UCKL1: variants seen among roughly 807,000 people sequenced by gnomAD.
The protein encoded by UCKL1 is uridine-cytidine kinase-like 1.
UCKL1 carries 65 observed loss-of-function variants against 59.2 expected under a neutral mutation model. The observed-to-expected ratio is 1.10, with a 90% CI of 0.90 to 1.35. The LOEUF (loss-of-function observed/expected upper bound fraction) is 1.35, where lower values mean the gene tolerates loss of function less well. Ranked by LOEUF, UCKL1 falls within the 40% of genes most tolerant of loss-of-function variation. The pLI, the probability that UCKL1 is intolerant of heterozygous loss-of-function variation, is 0.00. For synonymous variants in UCKL1, 410 were observed against 323.1 expected, an observed-to-expected ratio of 1.27 and a Z score of -2.88; for missense variants, 703 against 784.3, an observed-to-expected ratio of 0.90 and a Z score of 1.24.
Position 63,956,389 on chromosome 20 carries a change from T to A in UCKL1, c.-17A>T. On this transcript the variant is annotated 5_prime_UTR_variant, in exon 1 of 15. In the 5' UTR this introduces an upstream ATG that the reference lacks. Coordinates refer to ENST00000354216, the MANE Select transcript of UCKL1 (RefSeq NM_017859.4). The stretch of plus-strand genomic sequence containing the variant: ...CGCAGCCATGGCGCTCGGAGGCCTC[T>A]TTGCGGGCCTGGCCGGGCGGCGCGC... 1 of 1,443,992 alleles carries A rather than the reference T, an allele frequency of 6.9e-7. No individual in the cohort carries two copies. Among genetic ancestry groups the A allele is most frequent in the Non-Finnish European group, 9.1e-7 (1 of 1,100,812 alleles). 89.4% of individuals were successfully genotyped at this position (1,443,992 alleles called of 1,614,324 possible).
In UCKL1 at chr20:63,940,591, C is replaced by T. The variant is rs1325504810; in HGVS notation, c.1302+3G>A. ...GCTCATCACCCCGGCTGCCCCCAGG[C>T]ACCTCGGGCTCCCCGGTAAGCTGGT... is the stretch of plus-strand genomic sequence containing the variant. On this transcript the variant is annotated splice_donor_region_variant and intron_variant, in intron 12 of 14. Coordinates refer to ENST00000354216, the MANE Select transcript of UCKL1 (RefSeq NM_017859.4). 3.8e-5 allele frequency: 61 copies of T among 1,607,478 alleles called. No homozygotes were observed. The highest frequency in any genetic ancestry group is 5.2e-5 in the Non-Finnish European group (61 of 1,179,590).
Position 63,941,145 on chromosome 20 carries a change from G to A in UCKL1, c.987C>T (p.Ser329=). Residue 329 remains serine (S), a synonymous_variant, in exon 9 of 15, where the codon AGC becomes AGT. Coordinates refer to ENST00000354216, the MANE Select transcript of UCKL1 (RefSeq NM_017859.4). ...PLPRTLSVLK[S]TPQVRGMHTI... ...TGTGCATGCCCCGTACCTGCGGCGT[G>A]CTCTTCAGGACGCTCAGCGTCCGGG... is the stretch of plus-strand genomic sequence containing the variant. 6.3e-7 allele frequency: 1 copy of A among 1,593,148 alleles called. No individual in the cohort carries two copies. The highest frequency in any genetic ancestry group is 1.7e-5 in the Admixed American group (1 of 58,168).
At chr20:63,942,511 T>C in intron 8 of UCKL1, 1 of 1,173,440 alleles carries the variant, frequency 8.5e-7, no homozygotes, top group Admixed American at 3.8e-5. Flanking sequence ...GTGAAGAGCA[T>C]GTTCAGGGAG....
At chr20:63,942,514 T>C (rs1034432465) in intron 8 of UCKL1, 7 of 1,171,648 alleles carry the variant, frequency 6.0e-6, no homozygotes, top group Non-Finnish European at 7.6e-6. Flanking sequence ...AAGAGCATGT[T>C]CAGGGAGGGA....
rs183182230 is a variant in UCKL1, at chr20:63,944,340, G to A, written c.906+57C>T. ...CCAGGCCACTGGGGGTGGTGGCAGC[G>A]GAGAAGTGGGTAGAGGGGCTGGGGG... is the stretch of plus-strand genomic sequence containing the variant. On this transcript the variant is annotated intron_variant, in intron 7 of 14. Transcript: ENST00000354216. 9.6e-4 allele frequency: 1,443 copies of A among 1,495,576 alleles called. 11 individuals carry two copies. In the African/African-American group the frequency reaches 0.018, roughly 18 times the overall value. The allele number at this position is 1,495,576 out of a possible 1,614,324, so 92.6% of individuals were successfully genotyped here.
At chr20:63,941,339 C>A (rs1047726185) in intron 8 of UCKL1, 131 bp from the exon 9 acceptor site, 3 of 1,368,520 alleles carry the variant, frequency 2.2e-6, no homozygotes, top group Non-Finnish European at 3.0e-6. Flanking sequence ...CAGAGCGGGC[C>A]TGACTTCTGC....
At position 63,941,100 on chromosome 20, in the gene UCKL1, G is replaced by A; in HGVS notation, c.1022+10C>T. ...GCCCGGGGCCGCCCCGTCCCCAGGT[G>A]GGCCCTCACCTGATGATGGTGTGCA... is the stretch of plus-strand genomic sequence containing the variant. On this transcript the variant is annotated intron_variant, in intron 9 of 14. Coordinates refer to ENST00000354216, the MANE Select transcript of UCKL1 (RefSeq NM_017859.4). 6.3e-7 allele frequency: 1 copy of A among 1,599,664 alleles called. No homozygotes were observed. Among genetic ancestry groups the A allele is most frequent in the Non-Finnish European group, 8.5e-7 (1 of 1,174,774 alleles).
At chr20:63,940,551 G>GCCCCCTA (rs1383033483) in intron 12 of UCKL1, 43 bp downstream of exon 12, 3 of 1,603,872 alleles carry the variant, frequency 1.9e-6, no homozygotes, top group Admixed American at 3.4e-5. Flanking sequence ...AGCTCCCTCT[G>GCCCCCTA]CCCCCTACCC....
intron 1 of UCKL1, among the ~76,000 whole-genome samples, chr20:63,947,608 G>A (rs768007523): frequency 1.3e-4 from 20 of 152,258 alleles, no homozygotes; most frequent in Non-Finnish European, 2.9e-4. Context: ...CTGGCTGTCA[G>A]AGTGCCGGAT....
rs2057941533 is a variant in UCKL1 at position 63,953,083 on chromosome 20, T to C, written c.113+3177A>G. ...CAACGTGGAGAAACCTTATCTCTAC[T>C]AGAAATACAAAATTAGCTGGGCACG... On this transcript the variant is annotated intron_variant, in intron 1 of 14. Transcript: ENST00000354216. Among the ~76,000 whole-genome samples the C allele has an allele frequency of 2.6e-5, 4 of 151,776 alleles. No individual in the cohort carries two copies. In the South Asian group the frequency reaches 8.3e-4, roughly 31 times the overall value.
At chr20:63,954,420 G>A (rs1394447433) in intron 1 of UCKL1, 1 of 152,454 alleles carries the variant, frequency 6.6e-6, no homozygotes, top group Non-Finnish European at 1.5e-5. Flanking sequence ...TGATTGCCGG[G>A]AGGATGTGGC....
At position 63,940,064 on chromosome 20, in the gene UCKL1, A is replaced by AG. The variant is rs35264801; in HGVS notation, c.1568-10dup. The stretch of plus-strand genomic sequence containing the variant: ...GCGGTCGCCAAAGTTCCCTGGAAAA[A>AG]GGGGGGGGGGGGTCCAGTGTGGTGG... On this transcript the variant is annotated splice_polypyrimidine_tract_variant and intron_variant, in intron 14 of 14. Coordinates refer to ENST00000354216, the MANE Select transcript of UCKL1 (RefSeq NM_017859.4). 0.064 allele frequency: 94,977 copies of AG among 1,481,714 alleles called. 870 individuals are homozygous for AG. The highest frequency in any genetic ancestry group is 0.072 in the Non-Finnish European group (78,877 of 1,090,398). 91.8% of individuals were successfully genotyped at this position (1,481,714 alleles called of 1,614,324 possible). A position where few individuals can be genotyped will look rare whatever the true frequency, so the allele number is the denominator to read the frequency against.
chr20:63,948,627 A>T (rs1303469298), intron 1 of UCKL1, among the ~76,000 whole-genome samples: 13 of 3,454 alleles, frequency 3.8e-3, no homozygotes, highest in Non-Finnish European at 4.9e-3. Flanking sequence ...GGCGTGTGTG[A>T]GAGGGAAGGG....
In UCKL1 at chr20:63,939,831, C is replaced by T. The variant is rs777563786; in HGVS notation, c.*145G>A. ...CCTGTGCTGTAACCAATCACACCTT[C>T]ATTTTTCTAAAGCTTTATTTATTTT... On this transcript the variant is annotated 3_prime_UTR_variant, in exon 15 of 15. Coordinates refer to ENST00000354216, the MANE Select transcript of UCKL1 (RefSeq NM_017859.4). 85 of 803,738 alleles carry T rather than the reference C, an allele frequency of 1.1e-4. No homozygotes were observed. The highest frequency in any genetic ancestry group is 1.6e-4 in the Non-Finnish European group (82 of 523,100). 49.8% of individuals were successfully genotyped at this position (803,738 alleles called of 1,614,324 possible). A position where few individuals can be genotyped will look rare whatever the true frequency, so the allele number is the denominator to read the frequency against.
chr20:63,940,064 A>AAG lies in UCKL1; in HGVS notation c.1568-10_1568-9insCT. The AAG allele has an allele frequency of 1.3e-6, 2 of 1,509,306 alleles. No individual in the cohort carries two copies. Among genetic ancestry groups the AAG allele is most frequent in the Non-Finnish European group, 1.8e-6 (2 of 1,114,198 alleles). 93.5% of individuals were successfully genotyped at this position (1,509,306 alleles called of 1,614,324 possible). On this transcript the variant is annotated splice_polypyrimidine_tract_variant and intron_variant, in intron 14 of 14. Transcript: ENST00000354216. ...GCGGTCGCCAAAGTTCCCTGGAAAA[A>AAG]GGGGGGGGGGGGTCCAGTGTGGTGG...
intron 1 of UCKL1, chr20:63,951,218 T>C: frequency 4.0e-6 from 4 of 995,456 alleles, no homozygotes; most frequent in South Asian, 4.6e-5. Context: ...CTGATATTAA[T>C]AGCGCTGGCT....
chr20:63,940,755 A>G (rs1016197892), intron 11 of UCKL1, 39 bp from the exon 12 acceptor site: 1 of 1,605,780 alleles, frequency 6.2e-7, no homozygotes, highest in African/African-American at 1.3e-5. Context: ...ATCCCGCCCC[A>G]GCAGCCTGTC....
chr20:63,946,327 C>T (rs2056191365), intron 2 of UCKL1, 60 bp from the exon 3 acceptor site: 19 of 1,539,190 alleles, frequency 1.2e-5, no homozygotes, highest in Non-Finnish European at 1.6e-5. Context: ...ACAGATAGGT[C>T]CCAGAGGTGC....
In UCKL1 at chr20:63,941,129, C is replaced by T; in HGVS notation, c.1003G>A (p.Gly335Ser). Residue 335 changes from glycine (G) to serine (S), a missense_variant, in exon 9 of 15, where the codon GGC (glycine) becomes AGC (serine). Around this residue, in one of 4 missense-constraint regions of UCKL1, gnomAD observed 156 missense variants for 185.6 expected, o/e 0.84. Transcript: ENST00000354216. ...CCTCACCTGATGATGGTGTGCATGC[C>T]CCGTACCTGCGGCGTGCTCTTCAGG... Reference protein sequence around the residue: ...SVLKSTPQVRGMHTIIRDKET... With the variant: ...SVLKSTPQVRSMHTIIRDKET... 1 of 1,596,866 alleles carries T rather than the reference C, an allele frequency of 6.3e-7. No homozygotes were observed. Among genetic ancestry groups the T allele is most frequent in the Non-Finnish European group, 8.5e-7 (1 of 1,174,880 alleles).
Sources: allele counts gnomAD v4.1 joint callset (sites outside exome capture counted in the v4.1 genomes callset), GRCh38; gene constraint gnomAD v4.1.1; regional missense constraint gnomAD v4.1.1; transcripts MANE v1.5; gene names NCBI Gene and HGNC (gene_info 2026-07-23, HGNC 2026-07-21).